Variants in PPM1H observed in about 807,000 individuals in gnomAD.
PPM1H encodes the protein protein phosphatase 1H.
A neutral mutation model predicts 54.9 loss-of-function variants in PPM1H; 27 were observed. That is an observed-to-expected ratio of 0.49 (90% CI 0.36 to 0.68). The LOEUF (loss-of-function observed/expected upper bound fraction) is 0.68. PPM1H is among the 30% of genes least tolerant of loss of function. PPM1H has a pLI of 0.00. For missense variants in PPM1H, 596 were observed against 667.8 expected (o/e 0.89, Z 1.19); for synonymous variants, 305 against 270.8 (o/e 1.13, Z -1.24).
chr12:62,856,337 G>A (rs1869387754), intron 1 of PPM1H, among the ~76,000 whole-genome samples: 1 of 152,082 alleles, frequency 6.6e-6, no homozygotes. Context: ...TAAAGAGGGG[G>A]CAATCTCTCA....
At chr12:62,738,541 C>A (rs1364566391) in intron 4 of PPM1H, among the ~76,000 whole-genome samples, 1 of 152,138 alleles carries the variant, frequency 6.6e-6, no homozygotes, top group Non-Finnish European at 1.5e-5. Flanking sequence ...TGGGTCTATT[C>A]CCAGCGGTGC....
chr12:62,836,003 C>T (rs1461582156), intron 1 of PPM1H, among the ~76,000 whole-genome samples: 1 of 152,176 alleles, frequency 6.6e-6, no homozygotes, highest in African/African-American at 2.4e-5. Flanking sequence ...TCAACAGATT[C>T]CTTAAAGGCA....
At chr12:62,909,275 GC>G (rs529813609) in intron 1 of PPM1H, among the ~76,000 whole-genome samples, 35 of 152,120 alleles carry the variant, frequency 2.3e-4, no homozygotes, top group Non-Finnish European at 4.6e-4. Flanking sequence ...TCCTGCTTTT[GC>G]CCCTGCTAGC....
chr12:62,771,196 G>GT (rs926765469), intron 4 of PPM1H, among the ~76,000 whole-genome samples: 3 of 147,972 alleles, frequency 2.0e-5, no homozygotes, highest in African/African-American at 5.0e-5. Flanking sequence ...AAAATACTAG[G>GT]TAAAAAAAAA....
At chr12:62,659,269 CAAAAAAAAAAAAA>C (rs11349692) in intron 9 of PPM1H, 12 of 91,650 alleles carry the variant, frequency 1.3e-4, no homozygotes, top group African/African-American at 5.3e-4. Context: ...GTAAAAACTG[CAAAAAAAAAAAAA>C]AAAAAAAAAG....
chr12:62,778,212 G>A, intron 4 of PPM1H, among the ~76,000 whole-genome samples: 1 of 152,164 alleles, frequency 6.6e-6, no homozygotes, highest in Non-Finnish European at 1.5e-5. Context: ...ACTGAATGAA[G>A]ACACTATTAC....
At chr12:62,820,561 C>A (rs2076897060) in intron 2 of PPM1H, among the ~76,000 whole-genome samples, 1 of 152,210 alleles carries the variant, frequency 6.6e-6, no homozygotes, top group Admixed American at 6.5e-5. Context: ...AACGATCAGG[C>A]AGCAACATTT....
At chr12:62,657,087 AACG>A (rs2136600281) in intron 9 of PPM1H, among the ~76,000 whole-genome samples, 1 of 152,222 alleles carries the variant, frequency 6.6e-6, no homozygotes, top group East Asian at 1.9e-4. Context: ...ACACCAGAAT[AACG>A]ACAACTGTTG....
intron 1 of PPM1H, among the ~76,000 whole-genome samples, chr12:62,852,416 A>G (rs1260609444): frequency 6.6e-6 from 1 of 151,980 alleles, no homozygotes; most frequent in African/African-American, 2.4e-5. Flanking sequence ...CCTCACTGGA[A>G]CCTGACCATG....
chr12:62,668,307 A>G (rs2075932150), intron 8 of PPM1H, among the ~76,000 whole-genome samples: 1 of 152,134 alleles, frequency 6.6e-6, no homozygotes, highest in African/African-American at 2.4e-5. Flanking sequence ...CTATTATACC[A>G]TCTCATGAAC....
At chr12:62,735,721 C>A (rs2076346202) in intron 5 of PPM1H, among the ~76,000 whole-genome samples, 1 of 152,302 alleles carries the variant, frequency 6.6e-6, no homozygotes, top group South Asian at 2.1e-4. Flanking sequence ...GTGGTACAAG[C>A]ACTGGGGACT....
At chr12:62,786,290 A>G (rs1401491399) in intron 4 of PPM1H, among the ~76,000 whole-genome samples, 1 of 152,214 alleles carries the variant, frequency 6.6e-6, no homozygotes, top group Non-Finnish European at 1.5e-5. Context: ...GCCCCTGAAG[A>G]CCATAGATTC....
chr12:62,737,452 G>A (rs765022092), intron 5 of PPM1H, 50 bp downstream of exon 5: 15 of 1,314,332 alleles, frequency 1.1e-5, no homozygotes, highest in East Asian at 2.5e-5. Flanking sequence ...GAACAGCTCC[G>A]ATGCCATCCC....
At chr12:62,830,902 G>A (rs1286967457) in intron 2 of PPM1H, among the ~76,000 whole-genome samples, 1 of 152,074 alleles carries the variant, frequency 6.6e-6, no homozygotes, top group Non-Finnish European at 1.5e-5. Flanking sequence ...CGCCCAGGCT[G>A]GAGTGCAGTG....
At chr12:62,855,833 T>A (rs886590322) in intron 1 of PPM1H, among the ~76,000 whole-genome samples, 2 of 152,190 alleles carry the variant, frequency 1.3e-5, no homozygotes, top group Admixed American at 6.5e-5. Context: ...TTTTTGTATA[T>A]CCATAAATAT....
chr12:62,788,003 A>G (rs2120702363), intron 4 of PPM1H, among the ~76,000 whole-genome samples: 1 of 152,356 alleles, frequency 6.6e-6, no homozygotes, highest in Admixed American at 6.5e-5. Context: ...ACGTTTGAAT[A>G]CTACTGGTTT....
At chr12:62,831,805 A>ATGTG (rs573777573) in intron 2 of PPM1H, among the ~76,000 whole-genome samples, 10,565 of 151,062 alleles carry the variant, frequency 0.07, 494 homozygotes, top group Middle Eastern at 0.15. Flanking sequence ...ACACACACAC[A>ATGTG]TATATATGTG....
intron 9 of PPM1H, among the ~76,000 whole-genome samples, chr12:62,661,907 T>C (rs1344312989): frequency 2.0e-5 from 3 of 152,172 alleles, no homozygotes; most frequent in Non-Finnish European, 2.9e-5. Context: ...GCTGATAAAC[T>C]GTGTTCCCCT....
chr12:62,783,173 T>C (rs1400152807), intron 4 of PPM1H, among the ~76,000 whole-genome samples: 1 of 152,148 alleles, frequency 6.6e-6, no homozygotes, highest in Non-Finnish European at 1.5e-5. Flanking sequence ...TTTGGGACGC[T>C]TGGAAGGAGA....
Sources: allele counts gnomAD v4.1 joint callset (sites outside exome capture counted in the v4.1 genomes callset), GRCh38; gene constraint gnomAD v4.1.1; transcripts MANE v1.5; gene names NCBI Gene and HGNC (gene_info 2026-07-23, HGNC 2026-07-21).